TFEC: variants seen among roughly 807,000 people sequenced by gnomAD.
TFEC encodes transcription factor EC.
TFEC carries 31 observed loss-of-function variants against 41.6 expected under a neutral mutation model. That is an observed-to-expected ratio of 0.74 (90% CI 0.56 to 1.01). TFEC has a LOEUF of 1.01. Ranked by LOEUF, TFEC falls within the 50% of genes least tolerant of loss-of-function variation. The probability of loss-of-function intolerance (pLI) is 0.00; values close to 1 mark genes in which losing one functional copy is unlikely to be tolerated. For missense variants in TFEC, 402 were observed against 404.1 expected (o/e 0.99, Z 0.04); for synonymous variants, 143 against 140.6 (o/e 1.02, Z -0.12).
intron 3 of TFEC, among the ~76,000 whole-genome samples, chr7:116,096,596 T>C (rs112768463): frequency 6.4e-4 from 97 of 152,248 alleles, no homozygotes; most frequent in African/African-American, 2.2e-3. Context: ...TGCGTTTTTT[T>C]TTTCCACTTG....
upstream of TFEC, among the ~76,000 whole-genome samples, chr7:116,032,020 A>G (rs1795795976): frequency 6.6e-6 from 1 of 152,158 alleles, no homozygotes; most frequent in Non-Finnish European, 1.5e-5. Context: ...AGAGTTTAAT[A>G]CATTTGTATG....
At chr7:115,985,553 C>T (rs1230974592) in intron 1 of TFEC, among the ~76,000 whole-genome samples, 1 of 152,074 alleles carries the variant, frequency 6.6e-6, no homozygotes, top group African/African-American at 2.4e-5. Flanking sequence ...CCTTAAATCC[C>T]TTAACATGCA....
intron 1 of TFEC, among the ~76,000 whole-genome samples, chr7:116,020,875 A>G (rs574196276): frequency 3.7e-4 from 56 of 152,300 alleles, no homozygotes; most frequent in African/African-American, 1.2e-3. Flanking sequence ...CAGCACATGA[A>G]TAAGACTCTC....
At chr7:116,023,635 C>T (rs1795481439) in intron 1 of TFEC, among the ~76,000 whole-genome samples, 1 of 152,138 alleles carries the variant, frequency 6.6e-6, no homozygotes, top group Non-Finnish European at 1.5e-5. Flanking sequence ...TCTCAAGAGA[C>T]TTGCCCTAGG....
chr7:115,947,706 C>T (rs1327051675), intron 6 of TFEC, among the ~76,000 whole-genome samples: 1 of 150,082 alleles, frequency 6.7e-6, no homozygotes, highest in African/African-American at 2.4e-5. Flanking sequence ...TTTTTGGCTG[C>T]ATAAATGTCT....
chr7:116,158,399 AG>A (rs1161344123), intron 1 of TFEC, among the ~76,000 whole-genome samples: 1 of 152,130 alleles, frequency 6.6e-6, no homozygotes, highest in Non-Finnish European at 1.5e-5. Flanking sequence ...CAAATTATTT[AG>A]TTGTGAAAAA....
intron 3 of TFEC, among the ~76,000 whole-genome samples, chr7:116,037,380 G>C (rs2130911462): frequency 6.6e-6 from 1 of 152,060 alleles, no homozygotes; most frequent in Admixed American, 6.6e-5. Flanking sequence ...AAGAAATTTA[G>C]AAATAAAGTC....
At chr7:116,137,856 T>C (rs1798463490) in intron 1 of TFEC, among the ~76,000 whole-genome samples, 1 of 152,038 alleles carries the variant, frequency 6.6e-6, no homozygotes, top group Non-Finnish European at 1.5e-5. Flanking sequence ...CTCTGTACAG[T>C]ATAAAATAGT....
Position 115,954,611 on chromosome 7 carries a change from T to G in TFEC, c.414A>C (p.Arg138Ser), listed in dbSNP as rs1233334849. The G allele has an allele frequency of 6.2e-7, 1 of 1,611,890 alleles. No individual in the cohort carries two copies. The highest frequency in any genetic ancestry group is 1.7e-5 in the Admixed American group (1 of 59,826). Residue 138 changes from arginine to serine, a missense_variant, in exon 5 of 8, where the codon AGA becomes AGC. Physicochemically the swap from Arg to Ser is moderately radical, Grantham distance 110. Coordinates refer to ENST00000265440, the MANE Select transcript of TFEC (RefSeq NM_012252.4). Reference sequence around the variant, plus strand: ...TGAGGTTGTGGTTGTCCTTTTTTTGTCTCTCTTTTGCTAAAGCTCTAGTGT... The same window carrying G: ...TGAGGTTGTGGTTGTCCTTTTTTTGGCTCTCTTTTGCTAAAGCTCTAGTGT... Reference protein sequence around the residue: ...ETDTRALAKERQKKDNHNLIE... With the variant: ...ETDTRALAKESQKKDNHNLIE...
intron 3 of TFEC, among the ~76,000 whole-genome samples, chr7:116,069,977 T>C (rs1435818971): frequency 6.6e-6 from 1 of 151,496 alleles, no homozygotes. Flanking sequence ...TATATAAATA[T>C]GTAGATGTAT....
intron 2 of TFEC, among the ~76,000 whole-genome samples, 195 bp from the exon 3 acceptor site, chr7:115,974,451 A>ATATATATATATATATACATATATAT (rs869072558): frequency 3.8e-5 from 1 of 26,392 alleles, no homozygotes; most frequent in Non-Finnish European, 7.0e-5. Flanking sequence ...TATATATATA[A>ATATATATATATATATACATATATAT]AAACACAGAT....
At chr7:115,957,242 G>A (rs1373439726) in intron 3 of TFEC, among the ~76,000 whole-genome samples, 1 of 151,850 alleles carries the variant, frequency 6.6e-6, no homozygotes, top group Non-Finnish European at 1.5e-5. Flanking sequence ...AATACCATCA[G>A]TGCTACCAGC....
intron 1 of TFEC, among the ~76,000 whole-genome samples, chr7:115,998,952 T>A (rs1414928389): frequency 6.6e-6 from 1 of 152,008 alleles, no homozygotes; most frequent in Non-Finnish European, 1.5e-5. Flanking sequence ...TAAAGAAACA[T>A]CAGACTTAAT....
intron 1 of TFEC, among the ~76,000 whole-genome samples, chr7:116,023,578 G>A (rs756696567): frequency 4.6e-5 from 7 of 152,090 alleles, no homozygotes; most frequent in Non-Finnish European, 8.8e-5. Flanking sequence ...TAGGCTTCCC[G>A]CTAAAACTCA....
At chr7:116,059,618 A>G (rs1387469675) in intron 3 of TFEC, among the ~76,000 whole-genome samples, 1 of 151,988 alleles carries the variant, frequency 6.6e-6, no homozygotes, top group Non-Finnish European at 1.5e-5. Context: ...ATTCAACAAC[A>G]TTATCAAGTG....
intron 1 of TFEC, among the ~76,000 whole-genome samples, chr7:116,117,751 C>T (rs1215491242): frequency 6.6e-6 from 1 of 151,820 alleles, no homozygotes; most frequent in Non-Finnish European, 1.5e-5. Context: ...GGATTAGAAC[C>T]TAGTTCTCTA....
chr7:116,012,476 A>C (rs2130819274), intron 1 of TFEC, among the ~76,000 whole-genome samples: 1 of 152,274 alleles, frequency 6.6e-6, no homozygotes, highest in East Asian at 1.9e-4. Flanking sequence ...TAAAGGAGAA[A>C]CAAGACTGAT....
chr7:115,969,886 G>A (rs1793054569), intron 3 of TFEC, among the ~76,000 whole-genome samples: 1 of 151,930 alleles, frequency 6.6e-6, no homozygotes, highest in Non-Finnish European at 1.5e-5. Context: ...GAGTATGGGA[G>A]TAAGAGAGAG....
intron 6 of TFEC, among the ~76,000 whole-genome samples, chr7:115,947,921 A>T (rs1791695322): frequency 6.6e-6 from 1 of 152,062 alleles, no homozygotes. Flanking sequence ...TGGTTTTTTG[A>T]AAGGATCAAC....
Sources: allele counts gnomAD v4.1 joint callset (sites outside exome capture counted in the v4.1 genomes callset), GRCh38; gene constraint gnomAD v4.1.1; transcripts MANE v1.5; gene names NCBI Gene and HGNC (gene_info 2026-07-23, HGNC 2026-07-21).